Variants in QTGAL observed in about 807,000 individuals in gnomAD.
QTGAL encodes the protein queuosine-tRNA galactosyltransferase.
At chr17:83,032,824 C>T in the QTGAL span, among the ~76,000 whole-genome samples, 10 of 152,308 alleles carry the variant, frequency 6.6e-5, no homozygotes, top group Non-Finnish European at 1.3e-4. Flanking sequence ...CAGCTGGTGC[C>T]GCCCTGGGGG....
At chr17:83,021,710 G>A in the QTGAL span, among the ~76,000 whole-genome samples, 1 of 152,178 alleles carries the variant, frequency 6.6e-6, no homozygotes, top group African/African-American at 2.4e-5. Flanking sequence ...CAACCATTTT[G>A]AGAGCGGTAA....
At chr17:83,031,723 C>A in the QTGAL span, among the ~76,000 whole-genome samples, 3 of 152,146 alleles carry the variant, frequency 2.0e-5, no homozygotes, top group African/African-American at 4.8e-5. Flanking sequence ...GGGGTGGGTC[C>A]CAGGGAGGAT....
the QTGAL span, among the ~76,000 whole-genome samples, chr17:82,959,192 G>T: frequency 6.6e-6 from 1 of 151,956 alleles, no homozygotes; most frequent in African/African-American, 2.4e-5. Context: ...CGTGTACAGT[G>T]TGTGCAGGTG....
chr17:83,008,427 A>G, the QTGAL span, among the ~76,000 whole-genome samples: 45 of 152,242 alleles, frequency 3.0e-4, no homozygotes, highest in Middle Eastern at 0.014. Flanking sequence ...AATTCCACCG[A>G]AAAAAAGAGT....
the QTGAL span, among the ~76,000 whole-genome samples, chr17:83,046,058 T>C: frequency 1.3e-5 from 2 of 151,732 alleles, no homozygotes; most frequent in Admixed American, 1.3e-4. Context: ...TCCTGACCTC[T>C]GGTGATCCAC....
the QTGAL span, chr17:82,943,553 C>T: frequency 2.0e-5 from 3 of 152,292 alleles, no homozygotes; most frequent in South Asian, 6.2e-4. Context: ...GGGGCCTGGA[C>T]ACAGGAACAT....
At chr17:82,988,705 C>T in the QTGAL span, among the ~76,000 whole-genome samples, 2 of 152,198 alleles carry the variant, frequency 1.3e-5, no homozygotes, top group Non-Finnish European at 2.9e-5. Context: ...CATGAACAGA[C>T]ACTTCTCAAA....
the QTGAL span, among the ~76,000 whole-genome samples, chr17:83,012,789 T>C: frequency 1.3e-5 from 2 of 151,820 alleles, no homozygotes; most frequent in African/African-American, 4.8e-5. Flanking sequence ...TCCCCCATTT[T>C]CCCCCTATTC....
chr17:82,987,397 G>C, the QTGAL span, among the ~76,000 whole-genome samples: 1 of 152,148 alleles, frequency 6.6e-6, no homozygotes, highest in South Asian at 2.1e-4. Context: ...CAATAAAACA[G>C]ACAATACTAA....
At chr17:83,036,616 C>T in the QTGAL span, among the ~76,000 whole-genome samples, 1 of 152,092 alleles carries the variant, frequency 6.6e-6, no homozygotes, top group Non-Finnish European at 1.5e-5. Flanking sequence ...GGACTGAAAA[C>T]GGGGATAGGG....
the QTGAL span, among the ~76,000 whole-genome samples, chr17:82,958,526 C>T: frequency 6.6e-5 from 10 of 152,184 alleles, no homozygotes; most frequent in Non-Finnish European, 1.2e-4. Context: ...CTGCCTCCGC[C>T]TCCCGGGATA....
chr17:83,037,251 C>G, the QTGAL span, among the ~76,000 whole-genome samples: 3 of 152,216 alleles, frequency 2.0e-5, no homozygotes, highest in Non-Finnish European at 4.4e-5. This position sits in a 1 kb window ranked among gnomAD's most constrained non-coding sequence, Gnocchi z 5.2. Flanking sequence ...AGGGCTCCCA[C>G]CCCACGGGGG....
At chr17:82,958,383 G>A in the QTGAL span, among the ~76,000 whole-genome samples, 1 of 152,230 alleles carries the variant, frequency 6.6e-6, no homozygotes, top group African/African-American at 2.4e-5. Flanking sequence ...CTGTGTCCGT[G>A]GGAGTCTCCT....
At chr17:82,956,462 C>G in the QTGAL span, among the ~76,000 whole-genome samples, 5 of 152,222 alleles carry the variant, frequency 3.3e-5, no homozygotes, top group African/African-American at 1.2e-4. The surrounding 1 kb of genome is among the most constrained non-coding windows in gnomAD (Gnocchi z 5.7). Flanking sequence ...TCCATCCCCC[C>G]CACACCCATG....
chr17:82,963,746 G>A, the QTGAL span, among the ~76,000 whole-genome samples: 1 of 152,140 alleles, frequency 6.6e-6, no homozygotes, highest in Non-Finnish European at 1.5e-5. Context: ...GCTGTTAGAT[G>A]AGGTGCGCCC....
chr17:83,031,370 GC>G, the QTGAL span, among the ~76,000 whole-genome samples: 1 of 149,712 alleles, frequency 6.7e-6, no homozygotes, highest in African/African-American at 2.5e-5. Flanking sequence ...ACGTTTTCCA[GC>G]GGGGAAGGGT....
the QTGAL span, chr17:83,005,597 G>A: frequency 1.4e-6 from 1 of 702,762 alleles, no homozygotes; most frequent in Non-Finnish European, 2.6e-6. The surrounding 1 kb of genome is among the most constrained non-coding windows in gnomAD (Gnocchi z 5.6). Flanking sequence ...ATGCAAAGTG[G>A]ATGTGAGGAA....
chr17:83,042,032 A>G, the QTGAL span, among the ~76,000 whole-genome samples: 1 of 142,288 alleles, frequency 7.0e-6, no homozygotes, highest in Non-Finnish European at 1.6e-5. Flanking sequence ...AAAAGATAGT[A>G]CTATTTTGGT....
At chr17:82,972,262 GACCAC>G in the QTGAL span, among the ~76,000 whole-genome samples, 1 of 117,346 alleles carries the variant, frequency 8.5e-6, no homozygotes, top group African/African-American at 3.5e-5. Flanking sequence ...ACCCGGTACT[GACCAC>G]ACCACACCAC....
Sources: gnomAD v4.1 joint callset for allele counts (sites outside exome capture counted in the v4.1 genomes callset) on GRCh38, gnomAD v4.1.1 for gene constraint, Gnocchi (gnomAD v3.1) non-coding constraint, MANE v1.5 for transcripts, NCBI Gene and HGNC (gene_info 2026-07-23, HGNC 2026-07-21) for gene names.